Variants in UBE2F observed in about 807,000 individuals in gnomAD.
UBE2F encodes ubiquitin conjugating enzyme E2 F (putative).
In UBE2F, 5 loss-of-function variants were observed where a neutral mutation model predicts 29.6. That is an observed-to-expected ratio of 0.17 (90% confidence interval 0.09 to 0.36). The LOEUF (loss-of-function observed/expected upper bound fraction) is 0.36. Ranked by LOEUF, UBE2F falls within the 10% of genes least tolerant of loss-of-function variation. The pLI, the probability that UBE2F is intolerant of heterozygous loss-of-function variation, is 1.00. For missense variants in UBE2F, 141 were observed against 228.5 expected (o/e 0.62, Z 2.47); for synonymous variants, 66 against 81.8 (o/e 0.81, Z 1.04).
chr2:238,018,086 G>A (rs2064203250), intron 5 of UBE2F, among the ~76,000 whole-genome samples: 1 of 152,158 alleles, frequency 6.6e-6, no homozygotes, highest in South Asian at 2.1e-4. Context: ...CACATTTCCA[G>A]TCTTTGTCCA....
At chr2:237,995,419 C>G (rs539936423) in intron 4 of UBE2F, among the ~76,000 whole-genome samples, 20 of 152,312 alleles carry the variant, frequency 1.3e-4, no homozygotes, top group African/African-American at 4.3e-4. Flanking sequence ...AGTTACAATG[C>G]AGCTCCAAGA....
At chr2:238,023,699 G>A (rs1218718278) in intron 5 of UBE2F, among the ~76,000 whole-genome samples, 1 of 152,148 alleles carries the variant, frequency 6.6e-6, no homozygotes, top group African/African-American at 2.4e-5. Context: ...TTTTTGAGAT[G>A]ACCTTTCTGA....
At chr2:237,969,330 G>T (rs568916470) in intron 1 of UBE2F, among the ~76,000 whole-genome samples, 11 of 152,202 alleles carry the variant, frequency 7.2e-5, no homozygotes. Flanking sequence ...TTTCTTGGTG[G>T]TTGGCCTTTG....
intron 7 of UBE2F, among the ~76,000 whole-genome samples, chr2:238,031,404 C>A (rs2064574736): frequency 6.6e-6 from 1 of 152,178 alleles, no homozygotes; most frequent in African/African-American, 2.4e-5. Context: ...TGCTGACCTG[C>A]CCATCTGTAC....
chr2:237,978,826 G>A (rs2063331331), intron 2 of UBE2F, among the ~76,000 whole-genome samples: 2 of 152,308 alleles, frequency 1.3e-5, no homozygotes, highest in Admixed American at 6.5e-5. Context: ...CAGTGTTGTT[G>A]TTGGCATTCC....
At chr2:238,034,289 G>A (rs989974151) in intron 8 of UBE2F, among the ~76,000 whole-genome samples, 1 of 151,778 alleles carries the variant, frequency 6.6e-6, no homozygotes, top group Admixed American at 6.6e-5. Flanking sequence ...TTAGCCAGGC[G>A]TGGTGGCGGG....
In UBE2F at chr2:237,973,177, T is replaced by C; in HGVS notation, c.70T>C (p.Ser24Pro). 6.2e-7 allele frequency: 1 copy of C among 1,614,126 alleles called. No individual in the cohort carries two copies. The highest frequency in any genetic ancestry group is 8.5e-7 in the Non-Finnish European group (1 of 1,179,962). The change falls in exon 2 of 10, where the codon TCC (serine) becomes CCC (proline). Residue 24 changes from serine (S) to proline (P), a missense_variant. Coordinates refer to ENST00000272930, the MANE Select transcript of UBE2F (RefSeq NM_080678.3). ...AGGGTCCCGGACGGCAGCCACAGCG[T>C]CCGACTCGACTCGGAGGGTTTCTGT... ...LKGSRTAATA[S>P]DSTRRVSVRD...
At chr2:237,983,944 C>G (rs2063427508) in intron 2 of UBE2F, among the ~76,000 whole-genome samples, 1 of 152,152 alleles carries the variant, frequency 6.6e-6, no homozygotes, top group East Asian at 1.9e-4. Flanking sequence ...CTTACCCAGT[C>G]TCATGATGAC....
At chr2:238,031,336 G>A (rs551310141) in intron 7 of UBE2F, among the ~76,000 whole-genome samples, 1 of 152,316 alleles carries the variant, frequency 6.6e-6, no homozygotes, top group African/African-American at 2.4e-5. Context: ...ATTGCCTCTG[G>A]AGCCTCTCCT....
intron 6 of UBE2F, among the ~76,000 whole-genome samples, chr2:238,026,693 A>G (rs1226760836): frequency 1.3e-5 from 2 of 152,124 alleles, no homozygotes; most frequent in Non-Finnish European, 2.9e-5. Flanking sequence ...TCGGCCTCCT[A>G]GAGTGCTGGG....
At chr2:237,973,009 A>G in intron 1 of UBE2F, 83 bp from the exon 2 acceptor site, 10 of 1,437,200 alleles carry the variant, frequency 7.0e-6, no homozygotes, top group Middle Eastern at 1.8e-4. Flanking sequence ...ATCAAAATAC[A>G]AAAGCACTTA....
chr2:237,980,973 G>A (rs1464356065), intron 2 of UBE2F, among the ~76,000 whole-genome samples: 2 of 152,204 alleles, frequency 1.3e-5, no homozygotes, highest in East Asian at 1.9e-4. Flanking sequence ...GTGTAGTCAC[G>A]CTTCAAATGG....
intron 4 of UBE2F, among the ~76,000 whole-genome samples, chr2:238,011,132 A>G (rs1182617098): frequency 1.3e-5 from 2 of 151,906 alleles, no homozygotes; most frequent in Admixed American, 6.6e-5. Context: ...TGCCTCCCCT[A>G]CTCAGACCCC....
In UBE2F at chr2:238,016,168, A is replaced by G. The variant is rs550602508; in HGVS notation, c.215-398A>G. On this transcript the variant is annotated intron_variant, in intron 4 of 9. Transcript: ENST00000272930. ...GGTGACTGTTAGTCTTGTGTCCTCCAATTGACATTCTCTTGGGGAGACCAG... is the reference window on the plus strand; with the variant it reads ...GGTGACTGTTAGTCTTGTGTCCTCCGATTGACATTCTCTTGGGGAGACCAG... Among the ~76,000 whole-genome samples the G allele has an allele frequency of 2.6e-5, 4 of 152,262 alleles. No homozygotes were observed. The South Asian group carries it at 8.3e-4, about 32-fold the overall frequency.
intron 2 of UBE2F, among the ~76,000 whole-genome samples, chr2:237,974,600 GC>G (rs756355313): frequency 9.8e-5 from 14 of 143,138 alleles, no homozygotes; most frequent in Non-Finnish European, 1.6e-4. Flanking sequence ...TGCAACCTCT[GC>G]CCCCAGGGTT....
Position 238,016,520 on chromosome 2 carries a change from TTTTAA to T in UBE2F, c.215-40_215-36del, listed in dbSNP as rs751542150. On this transcript the variant is annotated intron_variant, in intron 4 of 9. Transcript: ENST00000272930. Reference sequence around the variant, plus strand: ...GTGTTTGCTTTTTGTTTCCTTTTTTTTTTAATTTAAAGGATTTTTTTGTTTTGTTT... The same window carrying T: ...GTGTTTGCTTTTTGTTTCCTTTTTTTTTTAAAGGATTTTTTTGTTTTGTTT... 2.6e-6 allele frequency: 4 copies of T among 1,532,566 alleles called. No homozygotes were observed. In the Admixed American group the frequency reaches 5.4e-5, roughly 21 times the overall value. The allele number at this position is 1,532,566 out of a possible 1,614,324, so 94.9% of individuals were successfully genotyped here.
chr2:238,025,786 C>T (rs2064413016), intron 6 of UBE2F, among the ~76,000 whole-genome samples: 1 of 152,084 alleles, frequency 6.6e-6, no homozygotes, highest in African/African-American at 2.4e-5. Flanking sequence ...TGATAGATAC[C>T]CAGGAGAAAA....
At position 238,023,390 on chromosome 2, in the gene UBE2F, AG is replaced by A. The variant is rs1310743537; in HGVS notation, c.283-1951del. Among the ~76,000 whole-genome samples the A allele has an allele frequency of 2.6e-5, 4 of 152,362 alleles. No individual in the cohort carries two copies. The East Asian group carries it at 7.7e-4, about 29-fold the overall frequency. On this transcript the variant is annotated intron_variant, in intron 5 of 9. Transcript: ENST00000272930. ...TGTCCTCAGACACATGGATTTGCAC[AG>A]TCAGTTTAATCAGTTTTTTGGAATC... is the stretch of plus-strand genomic sequence containing the variant.
At chr2:238,012,710 T>C (rs751201018) in intron 4 of UBE2F, among the ~76,000 whole-genome samples, 9 of 152,174 alleles carry the variant, frequency 5.9e-5, no homozygotes, top group Non-Finnish European at 7.3e-5. Flanking sequence ...CTGACAGCCA[T>C]CTCACTCTGA....
Sources: allele counts gnomAD v4.1 joint callset (sites outside exome capture counted in the v4.1 genomes callset), GRCh38; gene constraint gnomAD v4.1.1; transcripts MANE v1.5; gene names NCBI Gene and HGNC (gene_info 2026-07-23, HGNC 2026-07-21).